Variants in LIPE observed in about 807,000 individuals in gnomAD.
LIPE encodes lipase E, hormone sensitive type.
A neutral mutation model predicts 88.5 loss-of-function variants in LIPE; 66 were observed. The observed-to-expected ratio is 0.75, with a 90% CI of 0.61 to 0.91. The LOEUF is 0.91. Among genes scored for constraint, LIPE ranks in the 40% least tolerant of loss-of-function variants. The probability of loss-of-function intolerance (pLI) is 0.00; values close to 1 mark genes in which losing one functional copy is unlikely to be tolerated. For synonymous variants in LIPE, 570 were observed against 617.5 expected, an observed-to-expected ratio of 0.92 and a Z score of 1.14; for missense variants, 1,346 against 1,434.7, an observed-to-expected ratio of 0.94 and a Z score of 1.00.
At chr19:42,412,909 C>T (rs1386342193) in intron 1 of LIPE, among the ~76,000 whole-genome samples, 2 of 152,184 alleles carry the variant, frequency 1.3e-5, no homozygotes, top group African/African-American at 4.8e-5. Context: ...GGACAAAAGC[C>T]GATTAAGGGC....
Position 42,406,170 on chromosome 19 carries a change from C to G in LIPE, c.2356G>C (p.Ala786Pro), listed in dbSNP as rs550555198. 2.5e-6 allele frequency: 4 copies of G among 1,606,656 alleles called. No individual in the cohort carries two copies. Among genetic ancestry groups the G allele is most frequent in the African/African-American group, 1.3e-5 (1 of 74,740 alleles). ...AGGGTGTGGGCCTCACCAGCATAGG[C>G]GCTGACACACTTGGAGAGCACACTG... ...PLSVLSKCVS[A>P]YAGAKTEDHS... The change falls in exon 7 of 10, where the codon GCC becomes CCC. Residue 786 changes from alanine (A) to proline (P), a missense_variant. Physicochemically the swap from Ala to Pro is conservative, Grantham distance 27 (BLOSUM62 -1). Transcript: ENST00000244289. This position sits in a 1 kb window ranked among gnomAD's most constrained non-coding sequence, Gnocchi z 5.7.
rs955737194 is a variant in LIPE, at chr19:42,405,857, A to G, written c.2366-296T>C. On this transcript the variant is annotated intron_variant, in intron 7 of 9. Coordinates refer to ENST00000244289, the MANE Select transcript of LIPE (RefSeq NM_005357.4). ...CGCCTGTAGTTCCAGCTACTTGGGA[A>G]GCTGAGGCAGGATGATTGCTTCAGC... The G allele has an allele frequency of 3.0e-5, 16 of 537,122 alleles. No individual in the cohort carries two copies. In the East Asian group the frequency reaches 5.0e-4, roughly 17 times the overall value. 33.3% of individuals were successfully genotyped at this position (537,122 alleles called of 1,614,324 possible).
intron 1 of LIPE, chr19:42,412,527 G>A (rs2040404414): frequency 1.0e-6 from 1 of 985,856 alleles, no homozygotes; most frequent in Non-Finnish European, 1.2e-6. Context: ...ACCACGTGCT[G>A]TAAACAGAGT....
In LIPE at chr19:42,427,249, A is replaced by G; in HGVS notation, c.-100T>C. The G allele has an allele frequency of 6.9e-7, 1 of 1,452,444 alleles. No homozygotes were observed. The highest frequency in any genetic ancestry group is 9.0e-7 in the Non-Finnish European group (1 of 1,106,912). 90.0% of individuals were successfully genotyped at this position (1,452,444 alleles called of 1,614,324 possible). A position where few individuals can be genotyped will look rare whatever the true frequency, so the allele number is the denominator to read the frequency against. Reference sequence around the variant, plus strand: ...ACAGATCTCTCATTGATTCCTCATGATGGCACTTCCTCTTGGGTTTCACTC... The same window carrying G: ...ACAGATCTCTCATTGATTCCTCATGGTGGCACTTCCTCTTGGGTTTCACTC... On this transcript the variant is annotated 5_prime_UTR_variant, in exon 1 of 10. Transcript: ENST00000244289.
rs1195691361 is a variant in LIPE at position 42,410,221 on chromosome 19, G to C, written c.1419+86C>G. On this transcript the variant is annotated intron_variant, in intron 2 of 9. Coordinates refer to ENST00000244289, the MANE Select transcript of LIPE (RefSeq NM_005357.4). The surrounding 1 kb of genome is among the most constrained non-coding windows in gnomAD (Gnocchi z 6.1). ...GCTGAGTCCGATAATGCTGACCACT[G>C]GTTACTTTACCATACTATAGGCCAG... is the stretch of plus-strand genomic sequence containing the variant. 7.6e-7 allele frequency: 1 copy of C among 1,312,470 alleles called. No homozygotes were observed. The highest frequency in any genetic ancestry group is 1.0e-6 in the Non-Finnish European group (1 of 972,448). 81.3% of individuals were successfully genotyped at this position (1,312,470 alleles called of 1,614,324 possible). A position where few individuals can be genotyped will look rare whatever the true frequency, so the allele number is the denominator to read the frequency against.
intron 9 of LIPE, 61 bp from the exon 10 acceptor site, chr19:42,402,136 T>C (rs1600099184): frequency 1.4e-5 from 19 of 1,394,926 alleles, no homozygotes; most frequent in Non-Finnish European, 1.8e-5. Context: ...CGGGGTCGGG[T>C]AGAGCGAGGA....
chr19:42,418,949 A>G (rs1282230481), intron 1 of LIPE, among the ~76,000 whole-genome samples: 1 of 152,072 alleles, frequency 6.6e-6, no homozygotes, highest in Non-Finnish European at 1.5e-5. Context: ...CCCCTTGGTA[A>G]AGTGGTAGCA....
chr19:42,419,076 C>T (rs868039799), intron 1 of LIPE, among the ~76,000 whole-genome samples: 3 of 152,122 alleles, frequency 2.0e-5, no homozygotes, highest in Admixed American at 1.3e-4. Flanking sequence ...ATCGGGAGTT[C>T]GAGACCAGCC....
At chr19:42,409,631 C>G (rs959829080) in intron 2 of LIPE, among the ~76,000 whole-genome samples, 1 of 152,202 alleles carries the variant, frequency 6.6e-6, no homozygotes, top group Non-Finnish European at 1.5e-5. Context: ...AGAGCTGGGC[C>G]CTGCCCCTGG....
At chr19:42,418,990 G>C (rs2040543261) in intron 1 of LIPE, among the ~76,000 whole-genome samples, 2 of 152,110 alleles carry the variant, frequency 1.3e-5, no homozygotes, top group African/African-American at 4.8e-5. Flanking sequence ...TTAAGATGAG[G>C]AGTGGGGGCC....
chr19:42,410,822 T>C lies in LIPE; in HGVS notation c.904A>G (p.Met302Val), dbSNP rs376534138. 2.7e-5 allele frequency: 42 copies of C among 1,566,960 alleles called. No homozygotes were observed. In the African/African-American group the frequency reaches 5.0e-4, roughly 19 times the overall value. ...QDTASRLIHN[M>V]DLRTMTQSLV... Reference sequence around the variant, plus strand: ...GACTGTGTCATTGTGCGCAGGTCCATGTTGTGGATGAGCCTTGAGGCTGTG... The same window carrying C: ...GACTGTGTCATTGTGCGCAGGTCCACGTTGTGGATGAGCCTTGAGGCTGTG... The change falls in exon 2 of 10, where the codon ATG becomes GTG. Residue 302 changes from methionine (M) to valine (V), a missense_variant. Transcript: ENST00000244289. This position sits in a 1 kb window ranked among gnomAD's most constrained non-coding sequence, Gnocchi z 6.1.
In LIPE at chr19:42,427,080, G is replaced by A. The variant is rs1273751296; in HGVS notation, c.70C>T (p.Pro24Ser). Reference protein sequence around the residue: ...QPEPHQRPITPLEPGPEKTPI... With the variant: ...QPEPHQRPITSLEPGPEKTPI... ...GTCTTTTCTGGCCCAGGCTCTAGCG[G>A]GGTTATAGGCCTCTGGTGTGGTTCA... The change falls in exon 1 of 10, where the codon CCG becomes TCG. Residue 24 changes from proline (P) to serine (S), a missense_variant. Pro to Ser is a moderately conservative substitution (Grantham distance 74). Coordinates refer to ENST00000244289, the MANE Select transcript of LIPE (RefSeq NM_005357.4). 3 of 1,614,106 alleles carry A rather than the reference G, an allele frequency of 1.9e-6. No individual in the cohort carries two copies. The highest frequency in any genetic ancestry group is 4.5e-5 in the East Asian group (2 of 44,884).
Position 42,410,562 on chromosome 19 carries a change from C to G in LIPE, c.1164G>C (p.Leu388=), listed in dbSNP as rs368004511. The G allele has an allele frequency of 1.9e-6, 3 of 1,612,706 alleles. No individual in the cohort carries two copies. Among genetic ancestry groups the G allele is most frequent in the Non-Finnish European group, 2.5e-6 (3 of 1,179,942 alleles). ...HTARCCLAHL[L]HKSRYVASNR... is the part of the protein sequence containing the mutation. ...TGGAGGCCACATAGCGGGATTTGTG[C>G]AGGAGGTGCGCCAGGCAGCAGCGGG... Residue 388 remains leucine (L), a synonymous_variant, in exon 2 of 10, where the codon CTG becomes CTC. Transcript: ENST00000244289. This position sits in a 1 kb window ranked among gnomAD's most constrained non-coding sequence, Gnocchi z 6.1.
At chr19:42,426,160 T>C in intron 1 of LIPE, 107 bp downstream of exon 1, 1 of 953,868 alleles carries the variant, frequency 1.0e-6, no homozygotes, top group Non-Finnish European at 1.5e-6. Context: ...CTCAGGATTG[T>C]TGAAGGATGA....
chr19:42,415,923 G>A (rs1161301101), intron 1 of LIPE, among the ~76,000 whole-genome samples: 1 of 152,110 alleles, frequency 6.6e-6, no homozygotes, highest in Non-Finnish European at 1.5e-5. Context: ...AATCCCAAGC[G>A]AAGCCCTATC....
chr19:42,401,959 G>T lies in LIPE; in HGVS notation c.3084C>A (p.Thr1028=). The T allele has an allele frequency of 6.4e-7, 1 of 1,558,442 alleles. No homozygotes were observed. Among genetic ancestry groups the T allele is most frequent in the Non-Finnish European group, 8.7e-7 (1 of 1,155,440 alleles). Residue 1028 remains threonine, a synonymous_variant, in exon 10 of 10, where the codon ACC becomes ACA. Coordinates refer to ENST00000244289, the MANE Select transcript of LIPE (RefSeq NM_005357.4). ...VVEDLPHGFL[T]LAALCRETRQ... Reference sequence around the variant, plus strand: ...GCGTCTCGCGGCACAGCGCCGCTAGGGTCAGGAAGCCGTGCGGCAGGTCCT... The same window carrying T: ...GCGTCTCGCGGCACAGCGCCGCTAGTGTCAGGAAGCCGTGCGGCAGGTCCT...
At chr19:42,422,995 C>G (rs1459986524) in intron 1 of LIPE, 2 of 189,222 alleles carry the variant, frequency 1.1e-5, no homozygotes, top group Non-Finnish European at 2.3e-5. Flanking sequence ...TGACTCACCG[C>G]TAGACTTCCT....
At chr19:42,405,976 T>TCTCACACACACACA in intron 7 of LIPE, 185 bp downstream of exon 7, 1 of 417,226 alleles carries the variant, frequency 2.4e-6, no homozygotes, top group Non-Finnish European at 4.3e-6. Flanking sequence ...TCTCTCTCTC[T>TCTCACACACACACA]CACACACACA....
intron 8 of LIPE, among the ~76,000 whole-genome samples, chr19:42,404,987 C>T (rs1466513003): frequency 2.0e-5 from 3 of 152,170 alleles, no homozygotes; most frequent in Non-Finnish European, 4.4e-5. Flanking sequence ...TCTCATGCTT[C>T]AGCCTCTCTG....
Sources: allele counts gnomAD v4.1 joint callset (sites outside exome capture counted in the v4.1 genomes callset), GRCh38; gene constraint gnomAD v4.1.1; non-coding constraint Gnocchi (gnomAD v3.1); transcripts MANE v1.5; gene names NCBI Gene and HGNC (gene_info 2026-07-23, HGNC 2026-07-21).